Variants in AGBL4 observed in about 807,000 individuals in gnomAD.
AGBL4 encodes the protein AGBL carboxypeptidase 4.
Under a neutral mutation model 66.4 loss-of-function variants are expected in AGBL4, and 58 were observed. The observed-to-expected ratio is 0.87, with a 90% CI of 0.71 to 1.09. AGBL4 has a LOEUF of 1.09. Among genes scored for constraint, AGBL4 ranks in the 50% least tolerant of loss-of-function variants. The probability of loss-of-function intolerance (pLI) is 0.00; values close to 1 mark genes in which losing one functional copy is unlikely to be tolerated. For synonymous variants in AGBL4, 234 were observed against 222.9 expected, an observed-to-expected ratio of 1.05 and a Z score of -0.44; for missense variants, 579 against 631.0, an observed-to-expected ratio of 0.92 and a Z score of 0.88.
At chr1:48,836,674 T>C (rs1444152335) in intron 6 of AGBL4, among the ~76,000 whole-genome samples, 1 of 152,122 alleles carries the variant, frequency 6.6e-6, no homozygotes, top group African/African-American at 2.4e-5. Context: ...ATGATAATGA[T>C]GATGATACGT....
intron 5 of AGBL4, among the ~76,000 whole-genome samples, chr1:49,026,181 A>G (rs1184959773): frequency 6.6e-6 from 1 of 152,182 alleles, no homozygotes; most frequent in African/African-American, 2.4e-5. Context: ...TACATAGTCT[A>G]ATATCCTACC....
At chr1:49,180,544 G>C (rs1646912470) in intron 4 of AGBL4, among the ~76,000 whole-genome samples, 1 of 152,108 alleles carries the variant, frequency 6.6e-6, no homozygotes, top group Non-Finnish European at 1.5e-5. Flanking sequence ...GAACTTCAAG[G>C]CCCATGCTAT....
intron 5 of AGBL4, among the ~76,000 whole-genome samples, chr1:48,997,707 C>A (rs1661118108): frequency 1.3e-5 from 2 of 152,136 alleles, no homozygotes; most frequent in South Asian, 4.1e-4. Flanking sequence ...TCTAAAATTT[C>A]TTACCCATAA....
intron 8 of AGBL4, among the ~76,000 whole-genome samples, chr1:48,652,584 C>T (rs372452724): frequency 5.3e-5 from 8 of 152,120 alleles, no homozygotes; most frequent in Non-Finnish European, 8.8e-5. Flanking sequence ...GTGGGCCGAA[C>T]GAGCTCTAAA....
chr1:49,116,548 A>T (rs1236000178), intron 4 of AGBL4, among the ~76,000 whole-genome samples: 2 of 152,120 alleles, frequency 1.3e-5, no homozygotes, highest in African/African-American at 4.8e-5. Flanking sequence ...AAGGACATGA[A>T]CTCATCCTTC....
intron 4 of AGBL4, among the ~76,000 whole-genome samples, chr1:49,201,981 A>C (rs1330715506): frequency 6.6e-6 from 1 of 152,104 alleles, no homozygotes; most frequent in Admixed American, 6.6e-5. Flanking sequence ...AAGTACAATG[A>C]ATGAGAATTC....
intron 3 of AGBL4, among the ~76,000 whole-genome samples, chr1:49,299,547 G>A (rs1428258321): frequency 1.3e-5 from 2 of 152,168 alleles, no homozygotes; most frequent in Non-Finnish European, 2.9e-5. Flanking sequence ...TATTACTTTA[G>A]TTCACATAGT....
At chr1:48,725,637 G>T (rs1647226875) in intron 6 of AGBL4, among the ~76,000 whole-genome samples, 1 of 152,172 alleles carries the variant, frequency 6.6e-6, no homozygotes, top group Non-Finnish European at 1.5e-5. Flanking sequence ...AAAAGGGCAG[G>T]TTTTTCACAG....
intron 3 of AGBL4, among the ~76,000 whole-genome samples, chr1:49,490,050 G>A (rs1203502568): frequency 2.6e-5 from 4 of 151,714 alleles, no homozygotes; most frequent in Non-Finnish European, 4.4e-5. Context: ...TATGTGTTCT[G>A]GCTAAAACCT....
In AGBL4 at chr1:49,324,902, C is replaced by T. The variant is rs75201189; in HGVS notation, c.283-79038G>A. On this transcript the variant is annotated intron_variant, in intron 3 of 13. Transcript: ENST00000371839. ...TTGAATGAATGAGTAAATCAATGAT[C>T]ACACAGTCCTTATATTAGGAACATG... is the stretch of plus-strand genomic sequence containing the variant. Among the ~76,000 whole-genome samples, 785 of 152,314 alleles carry T rather than the reference C, an allele frequency of 5.2e-3. 12 individuals carry two copies. Among genetic ancestry groups the T allele is most frequent in the Non-Finnish European group, 5.4e-3 (367 of 68,026 alleles).
intron 6 of AGBL4, among the ~76,000 whole-genome samples, chr1:48,834,978 G>A (rs1646642458): frequency 6.6e-6 from 1 of 152,076 alleles, no homozygotes; most frequent in Non-Finnish European, 1.5e-5. Flanking sequence ...CTTATAATTA[G>A]GCTTTGCAGT....
chr1:48,847,806 A>G (rs1182138315), intron 6 of AGBL4, among the ~76,000 whole-genome samples: 2 of 152,212 alleles, frequency 1.3e-5, no homozygotes, highest in East Asian at 3.8e-4. Context: ...GATTTTTTAC[A>G]TCCCTTTCAG....
At chr1:48,967,209 T>C (rs1003308496) in intron 5 of AGBL4, among the ~76,000 whole-genome samples, 6 of 152,142 alleles carry the variant, frequency 3.9e-5, no homozygotes, top group South Asian at 2.1e-4. Flanking sequence ...TGATTTCATA[T>C]GGCCAAGGCA....
intron 5 of AGBL4, among the ~76,000 whole-genome samples, chr1:48,984,614 A>C (rs544018950): frequency 6.6e-6 from 1 of 150,796 alleles, no homozygotes; most frequent in Admixed American, 6.6e-5. Flanking sequence ...ATTAAAAAAA[A>C]CCCCAATACT....
At chr1:49,857,012 T>C (rs1240481754) in intron 1 of AGBL4, among the ~76,000 whole-genome samples, 1 of 149,260 alleles carries the variant, frequency 6.7e-6, no homozygotes, top group South Asian at 2.1e-4. Flanking sequence ...CTGTTGAAAC[T>C]GATAAATTAT....
chr1:48,851,493 G>A (rs2148809630), intron 6 of AGBL4, among the ~76,000 whole-genome samples: 1 of 152,258 alleles, frequency 6.6e-6, no homozygotes, highest in African/African-American at 2.4e-5. Context: ...CAAGTGATAT[G>A]AGATGCTTCC....
At chr1:49,361,779 G>A (rs1011621223) in intron 3 of AGBL4, among the ~76,000 whole-genome samples, 12 of 151,350 alleles carry the variant, frequency 7.9e-5, no homozygotes, top group Non-Finnish European at 1.0e-4. Context: ...ACACACACAC[G>A]CACGCATTAC....
chr1:49,277,589 A>C (rs1489214481), intron 3 of AGBL4, among the ~76,000 whole-genome samples: 1 of 152,116 alleles, frequency 6.6e-6, no homozygotes, highest in South Asian at 2.1e-4. Flanking sequence ...GGAAAGCTAA[A>C]TATTCCACTA....
At chr1:49,795,763 G>A (rs1243007149) in intron 2 of AGBL4, among the ~76,000 whole-genome samples, 1 of 151,930 alleles carries the variant, frequency 6.6e-6, no homozygotes, top group Non-Finnish European at 1.5e-5. Context: ...AAAAATTTAA[G>A]TTAGTACTTC....
Sources: gnomAD v4.1 joint callset for allele counts (sites outside exome capture counted in the v4.1 genomes callset) on GRCh38, gnomAD v4.1.1 for gene constraint, MANE v1.5 for transcripts, NCBI Gene and HGNC (gene_info 2026-07-23, HGNC 2026-07-21) for gene names.